The following DYNC2I1 variants were observed in gnomAD, a reference collection of about 807,000 sequenced individuals.
DYNC2I1 encodes cytoplasmic dynein 2 intermediate chain 1.
Under a neutral mutation model 133.4 loss-of-function variants are expected in DYNC2I1, and 89 were observed. That is an observed-to-expected ratio of 0.67 (90% confidence interval 0.56 to 0.80). The LOEUF is 0.80. Among genes scored for constraint, DYNC2I1 ranks in the 30% least tolerant of loss-of-function variants. DYNC2I1 has a pLI of 0.00. For missense variants in DYNC2I1, 1,291 were observed against 1,314.5 expected (o/e 0.98, Z 0.28); for synonymous variants, 504 against 484.3 (o/e 1.04, Z -0.54).
intron 4 of DYNC2I1, among the ~76,000 whole-genome samples, chr7:158,952,247 C>T (rs1056442783): frequency 3.3e-5 from 5 of 152,212 alleles, no homozygotes; most frequent in Non-Finnish European, 5.9e-5. Context: ...GCAGGTTCCT[C>T]CCACCTTCTG....
chr7:158,890,871 G>A (rs1845141326), intron 7 of DYNC2I1, among the ~76,000 whole-genome samples: 1 of 152,094 alleles, frequency 6.6e-6, no homozygotes, highest in Non-Finnish European at 1.5e-5. Context: ...ACTGTGCCCA[G>A]CCTGGGTAGT....
In DYNC2I1 at chr7:158,884,410, TAACTGGTAAA is replaced by T. The variant is rs144145829; in HGVS notation, c.880-151_880-142del. ...ATTTAATTATCTAATTTACTAAAAA[TAACTGGTAAA>T]AATAGTTATTTTAAAAGGTACTTGT... On this transcript the variant is annotated intron_variant, in intron 5 of 24. Coordinates refer to ENST00000407559, the MANE Select transcript of DYNC2I1 (RefSeq NM_018051.5). Among the ~76,000 whole-genome samples, 610 of 152,382 alleles carry T rather than the reference TAACTGGTAAA, an allele frequency of 4.0e-3. 3 individuals carry two copies. Among genetic ancestry groups the T allele is most frequent in the African/African-American group, 0.014 (583 of 41,596 alleles).
At chr7:158,900,390 G>A (rs1301008482) in intron 8 of DYNC2I1, among the ~76,000 whole-genome samples, 1 of 152,144 alleles carries the variant, frequency 6.6e-6, no homozygotes, top group Admixed American at 6.5e-5. Flanking sequence ...CCAAAGTGCT[G>A]GGATTATAGG....
rs1324962991 is a variant in DYNC2I1 at position 158,866,169 on chromosome 7, C to T, written c.16-3686C>T. Among the ~76,000 whole-genome samples the T allele has an allele frequency of 5.3e-5, 8 of 152,230 alleles. No individual in the cohort carries two copies. In the East Asian group the frequency reaches 1.5e-3, roughly 29 times the overall value. On this transcript the variant is annotated intron_variant, in intron 1 of 24. Coordinates refer to ENST00000407559, the MANE Select transcript of DYNC2I1 (RefSeq NM_018051.5). ...TACTTTTCACATTCTGAGCTAGTGGCCTTGTGCCTTCCCAGTGTCCCCTGA... is the reference window on the plus strand; with the variant it reads ...TACTTTTCACATTCTGAGCTAGTGGTCTTGTGCCTTCCCAGTGTCCCCTGA...
intron 12 of DYNC2I1, among the ~76,000 whole-genome samples, chr7:158,912,688 AAT>A (rs1384971045): frequency 6.6e-6 from 1 of 152,202 alleles, no homozygotes; most frequent in Non-Finnish European, 1.5e-5. Flanking sequence ...TACCTTTTGA[AAT>A]ATATATGTAG....
At chr7:158,921,105 C>T (rs1273300701) in intron 15 of DYNC2I1, among the ~76,000 whole-genome samples, 1 of 152,078 alleles carries the variant, frequency 6.6e-6, no homozygotes, top group Non-Finnish European at 1.5e-5. Context: ...AGGCTCTGCA[C>T]TGGCTAAACA....
intron 4 of DYNC2I1, among the ~76,000 whole-genome samples, chr7:158,951,961 C>T (rs1489992664): frequency 2.0e-5 from 3 of 152,192 alleles, no homozygotes; most frequent in South Asian, 2.1e-4. Context: ...TGGGTTGAGG[C>T]ATCCTCCAGA....
At chr7:158,846,658 C>G in the DYNC2I1 span, among the ~76,000 whole-genome samples, 12 of 152,256 alleles carry the variant, frequency 7.9e-5, no homozygotes, top group African/African-American at 2.9e-4. Flanking sequence ...TTGAATTACT[C>G]TTAATGCAAG....
intron 1 of DYNC2I1, among the ~76,000 whole-genome samples, chr7:158,867,769 A>G (rs948124359): frequency 1.8e-4 from 28 of 151,978 alleles, no homozygotes; most frequent in African/African-American, 6.3e-4. Flanking sequence ...GTGCTTGGGC[A>G]TCCTTGTGCT....
rs923082303 is a variant in DYNC2I1 at position 158,945,988 on chromosome 7, A to G, written c.*209A>G. 2.0e-6 allele frequency: 1 copy of G among 492,664 alleles called. No homozygotes were observed. The highest frequency in any genetic ancestry group is 6.9e-5 in the South Asian group (1 of 14,574). The allele number at this position is 492,664 out of a possible 1,614,324, so 30.5% of individuals were successfully genotyped here. A position where few individuals can be genotyped will look rare whatever the true frequency, so the allele number is the denominator to read the frequency against. On this transcript the variant is annotated 3_prime_UTR_variant, in exon 25 of 25. Coordinates refer to ENST00000407559, the MANE Select transcript of DYNC2I1 (RefSeq NM_018051.5). This position sits in a 1 kb window ranked among gnomAD's most constrained non-coding sequence, Gnocchi z 4.1. ...AACAAAGAACATTCTAGCATTTACA[A>G]AACTTCCAGGGGAATGTAGAGCCAC...
At chr7:158,856,481 G>A (rs1841234542), upstream of DYNC2I1, 1 of 381,340 alleles carries the variant, frequency 2.6e-6, no homozygotes, top group Non-Finnish European at 4.6e-6. Context: ...CCGCGGGCAC[G>A]CCGAGCAGCG....
chr7:158,906,336 C>T (rs1846810419), intron 11 of DYNC2I1, among the ~76,000 whole-genome samples: 1 of 151,352 alleles, frequency 6.6e-6, no homozygotes, highest in African/African-American at 2.4e-5. Context: ...TTGGAGCTAC[C>T]CTGGGAGTAA....
Position 158,871,486 on chromosome 7 carries a change from G to A in DYNC2I1, c.414G>A (p.Val138=), listed in dbSNP as rs1842869176. The A allele has an allele frequency of 6.5e-7, 1 of 1,548,076 alleles. No individual in the cohort carries two copies. The highest frequency in any genetic ancestry group is 8.7e-7 in the Non-Finnish European group (1 of 1,146,872). ...RARKEELRQT[V]AHHNLLGQET... is the part of the protein sequence containing the mutation. ...GGAAGGAAGAGCTCCGGCAGACCGT[G>A]GCCCACCACAACCTGCTGGGCCAGG... is the stretch of plus-strand genomic sequence containing the variant. Residue 138 remains valine (V), a synonymous_variant, in exon 3 of 25, where the codon GTG becomes GTA. Transcript: ENST00000407559.
intron 13 of DYNC2I1, among the ~76,000 whole-genome samples, chr7:158,914,001 T>C (rs1438075323): frequency 2.0e-5 from 3 of 152,344 alleles, no homozygotes; most frequent in East Asian, 3.9e-4. Flanking sequence ...TGAGCCACCA[T>C]GCCTGGCCTG....
chr7:158,938,691 G>A (rs2129488353), intron 23 of DYNC2I1, among the ~76,000 whole-genome samples: 1 of 152,238 alleles, frequency 6.6e-6, no homozygotes, highest in Non-Finnish European at 1.5e-5. Context: ...GGGAGGCAAA[G>A]GTTGCAGTGA....
At chr7:158,905,540 A>C (rs895320683) in intron 10 of DYNC2I1, among the ~76,000 whole-genome samples, 2 of 152,242 alleles carry the variant, frequency 1.3e-5, no homozygotes, top group African/African-American at 4.8e-5. Context: ...GAGGAAGCTC[A>C]TGCCTTCATT....
chr7:158,840,859 G>C, the DYNC2I1 span, among the ~76,000 whole-genome samples: 1 of 151,970 alleles, frequency 6.6e-6, no homozygotes, highest in Non-Finnish European at 1.5e-5. Flanking sequence ...AGAGAGCTCC[G>C]TGCTTCATCA....
chr7:158,953,723 T>C (rs764091329), intron 4 of DYNC2I1, among the ~76,000 whole-genome samples: 21 of 152,050 alleles, frequency 1.4e-4, no homozygotes, highest in Non-Finnish European at 2.9e-4. Flanking sequence ...TGTGTGTATA[T>C]ATATGTTACA....
Position 158,888,053 on chromosome 7 carries a change from C to T in DYNC2I1, c.990+978C>T, listed in dbSNP as rs1844787543. Among the ~76,000 whole-genome samples, 3 of 115,668 alleles carry T rather than the reference C, an allele frequency of 2.6e-5. 1 individual carries two copies. In the Admixed American group the frequency reaches 3.4e-4, roughly 13 times the overall value. 75.9% of individuals were successfully genotyped at this position (115,668 alleles called of 152,430 possible). ...TTTTTTTTTTTTTTTTGAGACAGGT[C>T]TCACTCTGTTGCCCAGGCTGGAGTG... On this transcript the variant is annotated intron_variant, in intron 7 of 24. Coordinates refer to ENST00000407559, the MANE Select transcript of DYNC2I1 (RefSeq NM_018051.5).
Sources: gnomAD v4.1 joint callset for allele counts (sites outside exome capture counted in the v4.1 genomes callset) on GRCh38, gnomAD v4.1.1 for gene constraint, Gnocchi (gnomAD v3.1) non-coding constraint, MANE v1.5 for transcripts, NCBI Gene and HGNC (gene_info 2026-07-23, HGNC 2026-07-21) for gene names.